PTPRQ: variants seen among roughly 807,000 people sequenced by gnomAD.
PTPRQ encodes the protein phosphatidylinositol phosphatase PTPRQ.
In PTPRQ, 199 loss-of-function variants were observed where a neutral mutation model predicts 246.0. The ratio of observed to expected loss-of-function variants is 0.81; its 90% CI spans 0.72 to 0.91. The LOEUF (loss-of-function observed/expected upper bound fraction) is 0.91, where lower values mean the gene tolerates loss of function less well. Among genes scored for constraint, PTPRQ ranks in the 40% least tolerant of loss-of-function variants. PTPRQ has a pLI of 0.00. For missense variants in PTPRQ, 2,624 were observed against 2,528.4 expected (o/e 1.04, Z -0.81); for synonymous variants, 869 against 853.2 (o/e 1.02, Z -0.32).
chr12:80,539,596 T>C (rs901765398), intron 19 of PTPRQ, among the ~76,000 whole-genome samples, 180 bp from the exon 20 acceptor site: 2 of 152,110 alleles, frequency 1.3e-5, no homozygotes, highest in Admixed American at 1.3e-4. Context: ...ATTTCTCTTT[T>C]AGTACAAACA....
intron 3 of PTPRQ, 41 bp downstream of exon 3, chr12:80,445,758 C>T: frequency 2.3e-6 from 3 of 1,318,186 alleles, no homozygotes; most frequent in Non-Finnish European, 2.1e-6. Flanking sequence ...TCAAACATTT[C>T]ATTCATTTTA....
rs1893138012 is a variant in PTPRQ at position 80,460,783 on chromosome 12, AG to A, written c.792del (p.Glu264AspfsTer6). The stretch of plus-strand genomic sequence containing the variant: ...AATGAGATCAGCTCTGTGTGGAAAG[AG>A]CCTATCAGTTTTGTAGTGACACACT... ...TQNEISSVWK[E>X]PISFVVTHLR... On this transcript the variant is annotated frameshift_variant, in exon 6 of 45. Coordinates refer to ENST00000644991, the MANE Select transcript of PTPRQ (RefSeq NM_001145026.2). LOFTEE classifies it high-confidence loss of function. 1 of 400,524 alleles carries A rather than the reference AG, an allele frequency of 2.5e-6. No individual in the cohort carries two copies. The highest frequency in any genetic ancestry group is 4.4e-6 in the Non-Finnish European group (1 of 226,222). The allele number at this position is 400,524 out of a possible 1,614,324, so 24.8% of individuals were successfully genotyped here.
intron 3 of PTPRQ, among the ~76,000 whole-genome samples, chr12:80,447,947 T>G (rs1286944004): frequency 6.6e-6 from 1 of 150,536 alleles, no homozygotes; most frequent in Non-Finnish European, 1.5e-5. Flanking sequence ...ATTACATTGC[T>G]AATTTCATAA....
At chr12:80,671,638 G>A (rs1288961031) in intron 42 of PTPRQ, among the ~76,000 whole-genome samples, 1 of 152,038 alleles carries the variant, frequency 6.6e-6, no homozygotes, top group African/African-American at 2.4e-5. Context: ...CTTGACTTTA[G>A]ACTTCTACAT....
intron 12 of PTPRQ, among the ~76,000 whole-genome samples, 191 bp from the exon 13 acceptor site, chr12:80,495,808 G>A (rs927993798): frequency 1.3e-5 from 2 of 151,960 alleles, no homozygotes; most frequent in African/African-American, 4.8e-5. Context: ...TAATATTTTA[G>A]GAGAGAACTT....
chr12:80,563,265 G>A (rs1050256502), intron 25 of PTPRQ, among the ~76,000 whole-genome samples: 3 of 152,044 alleles, frequency 2.0e-5, no homozygotes, highest in Admixed American at 1.3e-4. Flanking sequence ...GCCCATTTTC[G>A]TGTTCATAGA....
rs535999219 is a variant in PTPRQ at position 80,446,888 on chromosome 12, G to T, written c.390+1171G>T. Reference sequence around the variant, plus strand: ...AATGCTGTAATAAACATGAGTGATGGTGTCTTTGTGATACAATGATTTCTT... The same window carrying T: ...AATGCTGTAATAAACATGAGTGATGTTGTCTTTGTGATACAATGATTTCTT... On this transcript the variant is annotated intron_variant, in intron 3 of 44. Coordinates refer to ENST00000644991, the MANE Select transcript of PTPRQ (RefSeq NM_001145026.2). Among the ~76,000 whole-genome samples the T allele has an allele frequency of 5.3e-5, 8 of 152,040 alleles. No homozygotes were observed. In the East Asian group the frequency reaches 1.5e-3, roughly 29 times the overall value.
chr12:80,598,875 A>T (rs1024744868), intron 26 of PTPRQ, among the ~76,000 whole-genome samples: 1 of 152,014 alleles, frequency 6.6e-6, no homozygotes, highest in African/African-American at 2.4e-5. Context: ...AACGAGGTAC[A>T]CTAAAAACCA....
chr12:80,575,568 T>C (rs1897258307), intron 25 of PTPRQ, among the ~76,000 whole-genome samples: 1 of 141,808 alleles, frequency 7.1e-6, no homozygotes, highest in Admixed American at 6.9e-5. Flanking sequence ...GGCAACAAAA[T>C]GGCACCCTCA....
intron 8 of PTPRQ, among the ~76,000 whole-genome samples, 163 bp from the exon 9 acceptor site, chr12:80,484,270 G>A (rs1376494689): frequency 2.0e-5 from 3 of 152,084 alleles, no homozygotes; most frequent in African/African-American, 7.2e-5. Context: ...GCCTCCCAAA[G>A]TGCTGGGATT....
At chr12:80,539,263 G>A (rs1896078042) in intron 19 of PTPRQ, among the ~76,000 whole-genome samples, 1 of 152,026 alleles carries the variant, frequency 6.6e-6, no homozygotes, top group Admixed American at 6.6e-5. Context: ...GAGAAGTAAA[G>A]TCTGAAAAGA....
At position 80,673,107 on chromosome 12, in the gene PTPRQ, A is replaced by G. The variant is rs547232685; in HGVS notation, c.6603-62A>G. On this transcript the variant is annotated intron_variant, in intron 42 of 44. Transcript: ENST00000644991. ...ATTGCTATCATAGCTCATTATCTTT[A>G]TCCCCATCAAAATGAACAACCCTTT... The G allele has an allele frequency of 2.0e-5, 31 of 1,539,044 alleles. No individual in the cohort carries two copies. The East Asian group carries it at 7.2e-4, about 36-fold the overall frequency.
intron 6 of PTPRQ, among the ~76,000 whole-genome samples, chr12:80,461,200 G>A (rs796697792): frequency 2.7e-4 from 41 of 152,174 alleles, no homozygotes; most frequent in South Asian, 6.2e-4. Flanking sequence ...CATCTTTGCC[G>A]TTCTAAATGA....
At chr12:80,547,327 T>C (rs1182846281) in intron 24 of PTPRQ, among the ~76,000 whole-genome samples, 1 of 152,188 alleles carries the variant, frequency 6.6e-6, no homozygotes, top group Non-Finnish European at 1.5e-5. Context: ...CTTTTCCTTT[T>C]CTCAACTGCA....
intron 23 of PTPRQ, among the ~76,000 whole-genome samples, chr12:80,544,710 C>T (rs1325188123): frequency 6.6e-6 from 1 of 152,026 alleles, no homozygotes; most frequent in Non-Finnish European, 1.5e-5. Context: ...TTCGCTTTCT[C>T]TCCTAGTGTG....
At chr12:80,578,331 A>T (rs892399990) in intron 25 of PTPRQ, among the ~76,000 whole-genome samples, 4 of 146,918 alleles carry the variant, frequency 2.7e-5, no homozygotes, top group Non-Finnish European at 5.9e-5. Flanking sequence ...TTTGGTTTTT[A>T]AAATAAATTT....
intron 33 of PTPRQ, among the ~76,000 whole-genome samples, chr12:80,623,829 A>C (rs2121143008): frequency 6.6e-6 from 1 of 152,250 alleles, no homozygotes; most frequent in Admixed American, 6.5e-5. Context: ...TGGAAATGAG[A>C]AAGAAAAGCT....
intron 3 of PTPRQ, among the ~76,000 whole-genome samples, chr12:80,450,792 G>A (rs1290545428): frequency 6.6e-6 from 1 of 152,142 alleles, no homozygotes; most frequent in Admixed American, 6.6e-5. Flanking sequence ...GTATTTTACT[G>A]AGGATTTTTG....
intron 17 of PTPRQ, chr12:80,512,759 T>G (rs1397012992): frequency 6.6e-6 from 1 of 152,226 alleles, no homozygotes; most frequent in African/African-American, 2.4e-5. Context: ...ATTCAAAGTT[T>G]AACTCTTCAA....
Sources: gnomAD v4.1 joint callset for allele counts (sites outside exome capture counted in the v4.1 genomes callset) on GRCh38, gnomAD v4.1.1 for gene constraint, MANE v1.5 for transcripts, NCBI Gene and HGNC (gene_info 2026-07-23, HGNC 2026-07-21) for gene names.